The following RASGEF1C variants were observed in gnomAD, a reference collection of about 807,000 sequenced individuals.
RASGEF1C encodes RasGEF domain family member 1C.
RASGEF1C carries 27 observed loss-of-function variants against 58.1 expected under a neutral mutation model. The ratio of observed to expected loss-of-function variants is 0.46; its 90% CI spans 0.34 to 0.64. The LOEUF is 0.64. Ranked by LOEUF, RASGEF1C falls within the 30% of genes least tolerant of loss-of-function variation. The probability of loss-of-function intolerance (pLI) is 0.01; values close to 1 mark genes in which losing one functional copy is unlikely to be tolerated. For synonymous variants in RASGEF1C, 243 were observed against 246.3 expected (o/e 0.99, Z 0.13); for missense variants, 502 against 605.1 (o/e 0.83, Z 1.79).
At chr5:180,163,003 C>G (rs1327621332) in intron 1 of RASGEF1C, among the ~76,000 whole-genome samples, 1 of 152,106 alleles carries the variant, frequency 6.6e-6, no homozygotes, top group African/African-American at 2.4e-5. Context: ...CTATAGCAAA[C>G]AGCATTGTAT....
At chr5:180,192,895 C>T (rs1442635211) in intron 1 of RASGEF1C, among the ~76,000 whole-genome samples, 1 of 150,516 alleles carries the variant, frequency 6.6e-6, no homozygotes, top group Non-Finnish European at 1.5e-5. Context: ...CAGGTGCCCA[C>T]CACCACGCCC....
At chr5:180,119,801 C>T (rs888223738) in intron 7 of RASGEF1C, among the ~76,000 whole-genome samples, 2 of 152,248 alleles carry the variant, frequency 1.3e-5, no homozygotes, top group Non-Finnish European at 2.9e-5. Context: ...TACTTGCCCC[C>T]AGCCCTGGGC....
chr5:180,133,674 C>CTATGGTATGTTATGGT (rs1474837469), intron 4 of RASGEF1C, among the ~76,000 whole-genome samples: 1 of 152,236 alleles, frequency 6.6e-6, no homozygotes. Context: ...TTACAGCTAA[C>CTATGGTATGTTATGGT]TTGTGGGAAA....
chr5:180,163,629 G>A (rs889296419), intron 1 of RASGEF1C, among the ~76,000 whole-genome samples: 13 of 152,074 alleles, frequency 8.5e-5, no homozygotes, highest in Admixed American at 5.9e-4. Context: ...CCACTTGGTC[G>A]TGGTATATCT....
chr5:180,122,257 A>G (rs1766188709), intron 6 of RASGEF1C, among the ~76,000 whole-genome samples: 1 of 152,218 alleles, frequency 6.6e-6, no homozygotes, highest in African/African-American at 2.4e-5. Context: ...TGCTGGGAGT[A>G]ATGGGCACCA....
chr5:180,173,237 G>A (rs1767142010), intron 1 of RASGEF1C, among the ~76,000 whole-genome samples: 1 of 152,198 alleles, frequency 6.6e-6, no homozygotes, highest in South Asian at 2.1e-4. Flanking sequence ...AGCTACACAG[G>A]GCCTGCATTC....
chr5:180,112,610 A>G lies in RASGEF1C; in HGVS notation c.1180-1030T>C, dbSNP rs560381044. 4.6e-5 allele frequency among the ~76,000 whole-genome samples: 7 copies of G among 152,254 alleles called. No homozygotes were observed. In the East Asian group the frequency reaches 1.4e-3, roughly 29 times the overall value. On this transcript the variant is annotated intron_variant, in intron 11 of 13. Transcript: ENST00000361132. ...CACTGTGTCACCCACTGCTAAGGCC[A>G]ACGCTAGGGTGGGGCTGGCTCTCAG...
At chr5:180,116,644 C>G (rs1031107585) in intron 10 of RASGEF1C, among the ~76,000 whole-genome samples, 2 of 152,246 alleles carry the variant, frequency 1.3e-5, no homozygotes, top group African/African-American at 4.8e-5. Context: ...CACAGGCATC[C>G]GAATCCCAGT....
chr5:180,107,459 A>G (rs770058673), intron 12 of RASGEF1C, among the ~76,000 whole-genome samples: 1 of 152,134 alleles, frequency 6.6e-6, no homozygotes, highest in Non-Finnish European at 1.5e-5. Flanking sequence ...CTGGCTTGAC[A>G]GTTCTTTTGG....
chr5:180,112,907 GTGGATGGACAGAGGGATCC>G lies in RASGEF1C; in HGVS notation c.1180-1346_1180-1328del, dbSNP rs1561730764. ...GGGACCGGGGATGGACGGAGGGACC[GTGGATGGACAGAGGGATCC>G]GGGATGGACGGAGGGACCGGGGATG... On this transcript the variant is annotated intron_variant, in intron 11 of 13. Coordinates refer to ENST00000361132, the MANE Select transcript of RASGEF1C (RefSeq NM_175062.4). 1.4e-3 allele frequency among the ~76,000 whole-genome samples: 198 copies of G among 145,998 alleles called. No individual in the cohort carries two copies. The East Asian group carries it at 0.02, about 14-fold the overall frequency.
intron 12 of RASGEF1C, among the ~76,000 whole-genome samples, chr5:180,102,685 G>GTTTTGT (rs1362443651): frequency 6.6e-6 from 1 of 151,272 alleles, no homozygotes; most frequent in Admixed American, 6.6e-5. Context: ...GTTTTGTTTT[G>GTTTTGT]TTTTTGTCAA....
intron 1 of RASGEF1C, among the ~76,000 whole-genome samples, chr5:180,167,934 C>T (rs1181052224): frequency 1.3e-5 from 2 of 152,206 alleles, no homozygotes; most frequent in African/African-American, 2.4e-5. Context: ...TGTGGTTCCA[C>T]GTAAGCTCTG....
intron 4 of RASGEF1C, among the ~76,000 whole-genome samples, 161 bp from the exon 5 acceptor site, chr5:180,128,771 C>A (rs940740666): frequency 6.6e-6 from 1 of 152,248 alleles, no homozygotes; most frequent in African/African-American, 2.4e-5. Flanking sequence ...TGCCCCTACC[C>A]TGAAACAGGA....
rs1354461965 is a variant in RASGEF1C at position 180,155,006 on chromosome 5, G to A, written c.-6-16948C>T. 6.6e-6 allele frequency among the ~76,000 whole-genome samples: 1 copy of A among 152,162 alleles called. No individual in the cohort carries two copies. The highest frequency in any genetic ancestry group is 1.9e-4 in the East Asian group (1 of 5,178). On this transcript the variant is annotated intron_variant, in intron 1 of 13. Transcript: ENST00000361132. This position sits in a 1 kb window ranked among gnomAD's most constrained non-coding sequence, Gnocchi z 5.2. ...CAGGAAAGCCAGGTGCTGGCACTGGGAGCTGGGGGACAACCTGAGTACTTG... is the reference window on the plus strand; with the variant it reads ...CAGGAAAGCCAGGTGCTGGCACTGGAAGCTGGGGGACAACCTGAGTACTTG...
At chr5:180,173,547 C>CA (rs1198429653) in intron 1 of RASGEF1C, among the ~76,000 whole-genome samples, 4 of 152,184 alleles carry the variant, frequency 2.6e-5, no homozygotes, top group African/African-American at 9.7e-5. Context: ...TCTTAAATGA[C>CA]AGAGAAATAA....
chr5:180,206,580 G>T (rs72823735), intron 1 of RASGEF1C, among the ~76,000 whole-genome samples: 5,125 of 152,288 alleles, frequency 0.034, 126 homozygotes, highest in East Asian at 0.096. Context: ...ACTTCTAGAA[G>T]TGTGTTCTAA....
At chr5:180,145,466 T>C (rs960790400) in intron 1 of RASGEF1C, among the ~76,000 whole-genome samples, 1 of 152,242 alleles carries the variant, frequency 6.6e-6, no homozygotes, top group Non-Finnish European at 1.5e-5. Flanking sequence ...AGGGTTCCAA[T>C]TTCTCCACAT....
intron 1 of RASGEF1C, among the ~76,000 whole-genome samples, chr5:180,190,456 C>G (rs1446206322): frequency 6.0e-5 from 8 of 133,090 alleles, no homozygotes; most frequent in African/African-American, 8.2e-5. Context: ...CGCCACTGCA[C>G]TCCAGACTGG....
At chr5:180,120,733 C>T (rs1766153531) in intron 7 of RASGEF1C, among the ~76,000 whole-genome samples, 1 of 152,214 alleles carries the variant, frequency 6.6e-6, no homozygotes, top group African/African-American at 2.4e-5. Flanking sequence ...AGGCCCGTTG[C>T]AGGCCAGGCT....
Sources: gnomAD v4.1 joint callset for allele counts (sites outside exome capture counted in the v4.1 genomes callset) on GRCh38, gnomAD v4.1.1 for gene constraint, Gnocchi (gnomAD v3.1) non-coding constraint, MANE v1.5 for transcripts, NCBI Gene and HGNC (gene_info 2026-07-23, HGNC 2026-07-21) for gene names.